Variants in ASIC2 observed in about 807,000 individuals in gnomAD.
ASIC2 encodes acid sensing ion channel subunit 2.
A neutral mutation model predicts 57.3 loss-of-function variants in ASIC2; 25 were observed. The observed-to-expected ratio is 0.44, with a 90% CI of 0.32 to 0.61. The LOEUF (loss-of-function observed/expected upper bound fraction) is 0.61, where lower values mean the gene tolerates loss of function less well. ASIC2 is among the 20% of genes least tolerant of loss of function. ASIC2 has a pLI of 0.06. For synonymous variants in ASIC2, 319 were observed against 307.5 expected, an observed-to-expected ratio of 1.04 and a Z score of -0.39; for missense variants, 641 against 738.1, an observed-to-expected ratio of 0.87 and a Z score of 1.52.
chr17:33,410,326 C>T (rs1293799017), intron 1 of ASIC2, among the ~76,000 whole-genome samples: 1 of 152,148 alleles, frequency 6.6e-6, no homozygotes, highest in Non-Finnish European at 1.5e-5. Context: ...ATAGTAGACT[C>T]TCATCTAGAT....
intron 1 of ASIC2, among the ~76,000 whole-genome samples, chr17:33,346,417 G>C (rs891482634): frequency 6.6e-6 from 1 of 152,068 alleles, no homozygotes; most frequent in Non-Finnish European, 1.5e-5. Context: ...TTGTGTCAGC[G>C]TAACAGTGGT....
intron 1 of ASIC2, among the ~76,000 whole-genome samples, chr17:34,153,770 A>T (rs1904615408): frequency 6.6e-6 from 1 of 152,188 alleles, no homozygotes; most frequent in South Asian, 2.1e-4. Context: ...TGAGGAATGG[A>T]CACTCAAATA....
Position 33,590,673 on chromosome 17 carries a change from T to C in ASIC2, c.556-478606A>G, listed in dbSNP as rs541473358. ...CAACACCTCAATCTCTACACCACAC[T>C]CCAATCTCTACACCACACCCCAATC... On this transcript the variant is annotated intron_variant, in intron 1 of 9. Coordinates refer to the ASIC2 transcript ENST00000359872. Among the ~76,000 whole-genome samples, 718 of 147,596 alleles carry C rather than the reference T, an allele frequency of 4.9e-3. 4 individuals are homozygous for C. Among genetic ancestry groups the C allele is most frequent in the African/African-American group, 0.016 (651 of 39,938 alleles).
At chr17:33,376,660 CA>C (rs1294765496) in intron 1 of ASIC2, among the ~76,000 whole-genome samples, 1 of 152,192 alleles carries the variant, frequency 6.6e-6, no homozygotes, top group East Asian at 1.9e-4. Context: ...CGAAAGTTCA[CA>C]CAGCTCCAGA....
At chr17:33,806,733 A>T (rs964316788) in intron 1 of ASIC2, among the ~76,000 whole-genome samples, 1 of 152,136 alleles carries the variant, frequency 6.6e-6, no homozygotes, top group African/African-American at 2.4e-5. Flanking sequence ...CTCACACCAA[A>T]AGAGCTTCCT....
At chr17:33,479,201 A>C (rs1176474535) in intron 1 of ASIC2, among the ~76,000 whole-genome samples, 1 of 151,842 alleles carries the variant, frequency 6.6e-6, no homozygotes, top group Non-Finnish European at 1.5e-5. Flanking sequence ...GTTTCTACAT[A>C]TTGGTCAGGC....
In ASIC2 at chr17:33,459,025, C is replaced by G. The variant is rs372812198; in HGVS notation, c.556-346958G>C. Among the ~76,000 whole-genome samples, 8 of 152,010 alleles carry G rather than the reference C, an allele frequency of 5.3e-5. No individual in the cohort carries two copies. In the East Asian group the frequency reaches 7.8e-4, roughly 15 times the overall value. ...AATAGATATAGACAACGGGGCTCTT[C>G]TGGTTGAAATACTAAAACAAACTGT... On this transcript the variant is annotated intron_variant, in intron 1 of 9. Coordinates refer to the ASIC2 transcript ENST00000359872.
intron 1 of ASIC2, among the ~76,000 whole-genome samples, chr17:34,116,305 A>C (rs1911422690): frequency 1.3e-5 from 2 of 152,156 alleles, no homozygotes; most frequent in Admixed American, 1.3e-4. Context: ...TAATGGGAAC[A>C]ATAATGTCTC....
At chr17:33,105,059 T>C (rs1326379136) in intron 2 of ASIC2, among the ~76,000 whole-genome samples, 1 of 152,222 alleles carries the variant, frequency 6.6e-6, no homozygotes, top group African/African-American at 2.4e-5. Flanking sequence ...TGTCCTGATA[T>C]ACATCTGTGA....
chr17:34,098,677 G>T (rs186486622), intron 1 of ASIC2, among the ~76,000 whole-genome samples: 1 of 152,164 alleles, frequency 6.6e-6, no homozygotes. Flanking sequence ...GAGGCTTTCC[G>T]TAACTGTGTG....
Position 33,925,382 on chromosome 17 carries a change from T to A in ASIC2, c.555+230596A>T, listed in dbSNP as rs375147732. On this transcript the variant is annotated intron_variant, in intron 1 of 9. Coordinates refer to the ASIC2 transcript ENST00000359872. ...CCCAGAAATCACTGGACCATAGCAT[T>A]CAAATGACCATTGAGTCCCTGCTTC... 3.3e-5 allele frequency among the ~76,000 whole-genome samples: 5 copies of A among 152,302 alleles called. No homozygotes were observed. The East Asian group carries it at 7.7e-4, about 24-fold the overall frequency.
intron 1 of ASIC2, chr17:34,069,707 AAAACATTC>A (rs1354783582): frequency 6.6e-6 from 1 of 152,268 alleles, no homozygotes; most frequent in African/African-American, 2.4e-5. Context: ...AGGCCTAATC[AAAACATTC>A]AAACCTCTCT....
At chr17:33,419,479 C>T (rs544857551) in intron 1 of ASIC2, among the ~76,000 whole-genome samples, 173 of 152,056 alleles carry the variant, frequency 1.1e-3, no homozygotes, top group Non-Finnish European at 1.9e-3. Context: ...GCTTCTAATG[C>T]CAGAAAGGGT....
chr17:33,521,207 G>C (rs1349404407), intron 1 of ASIC2, among the ~76,000 whole-genome samples: 1 of 152,142 alleles, frequency 6.6e-6, no homozygotes, highest in Non-Finnish European at 1.5e-5. Context: ...AGCAAATAAA[G>C]GCCTCTGGAG....
chr17:33,269,294 C>T (rs973471669), intron 1 of ASIC2, among the ~76,000 whole-genome samples: 1 of 152,156 alleles, frequency 6.6e-6, no homozygotes, highest in African/African-American at 2.4e-5. Context: ...GTCTCCCTGA[C>T]CCCCCGACCT....
intron 1 of ASIC2, among the ~76,000 whole-genome samples, chr17:33,196,996 G>A (rs908470451): frequency 2.0e-5 from 3 of 152,338 alleles, no homozygotes; most frequent in South Asian, 2.1e-4. Flanking sequence ...GGAGAGGAAA[G>A]GTGGAGAAGA....
chr17:33,641,694 C>G (rs978203293), intron 1 of ASIC2, among the ~76,000 whole-genome samples: 1 of 152,100 alleles, frequency 6.6e-6, no homozygotes, highest in African/African-American at 2.4e-5. Context: ...CCGAGGATAC[C>G]CCTTGAAGAT....
intron 1 of ASIC2, among the ~76,000 whole-genome samples, chr17:33,651,055 T>C (rs1050467383): frequency 1.1e-4 from 17 of 152,284 alleles, no homozygotes; most frequent in African/African-American, 4.1e-4. Context: ...AATCTAAAAG[T>C]ATTTTAAGAT....
At chr17:33,609,994 G>A (rs762191191) in intron 1 of ASIC2, among the ~76,000 whole-genome samples, 13 of 151,574 alleles carry the variant, frequency 8.6e-5, no homozygotes, top group Non-Finnish European at 1.8e-4. Flanking sequence ...TGGCACCCTC[G>A]CCTGACAGAT....
Sources: allele counts gnomAD v4.1 joint callset (sites outside exome capture counted in the v4.1 genomes callset), GRCh38; gene constraint gnomAD v4.1.1; transcripts MANE v1.5; gene names NCBI Gene and HGNC (gene_info 2026-07-23, HGNC 2026-07-21).